SYTL2: variants seen among roughly 807,000 people sequenced by gnomAD.
SYTL2 encodes the protein synaptotagmin like 2.
In SYTL2, 165 loss-of-function variants were observed where a neutral mutation model predicts 198.7. The observed-to-expected ratio is 0.83, with a 90% CI of 0.73 to 0.94. SYTL2 has a LOEUF of 0.94. Among genes scored for constraint, SYTL2 ranks in the 40% least tolerant of loss-of-function variants. SYTL2 has a pLI of 0.00. For synonymous variants in SYTL2, 966 were observed against 917.7 expected, an observed-to-expected ratio of 1.05 and a Z score of -0.95; for missense variants, 2,835 against 2,582.8, an observed-to-expected ratio of 1.10 and a Z score of -2.12.
chr11:85,770,523 T>C (rs970369190), intron 1 of SYTL2, among the ~76,000 whole-genome samples: 6 of 152,094 alleles, frequency 3.9e-5, no homozygotes, highest in Non-Finnish European at 5.9e-5. Context: ...AATTCCTTAC[T>C]CCAGTATTGG....
Position 85,727,713 on chromosome 11 carries a change from C to T in SYTL2, c.1645G>A (p.Glu549Lys). ...ACCTGTGATTTTGAGTCTGTTTTTT[C>T]TTTGGACTCTATTCCTCGGGGATGT... ...LQHPRGIESK[E>K]KTDSKSQVAV... Residue 549 changes from glutamate (E) to lysine (K), a missense_variant, in exon 8 of 20, where the codon GAA becomes AAA. Physicochemically the swap from Glu to Lys is moderately conservative, Grantham distance 56. This residue lies in a region of SYTL2 where 2,645 missense variants were observed against 2,381.7 expected (regional missense o/e 1.11). Transcript: ENST00000359152. 1.9e-6 allele frequency: 3 copies of T among 1,547,552 alleles called. No individual in the cohort carries two copies. Among genetic ancestry groups the T allele is most frequent in the Non-Finnish European group, 2.6e-6 (3 of 1,147,020 alleles).
At chr11:85,839,341 C>T in the SYTL2 span, among the ~76,000 whole-genome samples, 25,557 of 152,116 alleles carry the variant, frequency 0.17, 2,322 homozygotes, top group Middle Eastern at 0.2. Flanking sequence ...TTCACCCTTT[C>T]GTAACAGATC....
the SYTL2 span, among the ~76,000 whole-genome samples, chr11:85,833,024 AAAG>A: frequency 0.029 from 544 of 18,514 alleles, 45 homozygotes; most frequent in African/African-American, 0.088. Context: ...AGAAAGAAAG[AAAG>A]AAAGAAAGAA....
chr11:85,804,712 T>C (rs941453041), intron 1 of SYTL2, among the ~76,000 whole-genome samples: 9 of 152,174 alleles, frequency 5.9e-5, no homozygotes, highest in Admixed American at 3.3e-4. Flanking sequence ...TATAGTATGT[T>C]ACATTAGCAA....
At chr11:85,826,411 G>A in the SYTL2 span, among the ~76,000 whole-genome samples, 409 of 152,328 alleles carry the variant, frequency 2.7e-3, 5 homozygotes, top group Non-Finnish European at 4.7e-3. Flanking sequence ...GAGGAGCCAG[G>A]CCCTCAATCC....
chr11:85,787,172 T>G (rs191448759), intron 1 of SYTL2, among the ~76,000 whole-genome samples: 128 of 152,324 alleles, frequency 8.4e-4, no homozygotes, highest in African/African-American at 2.9e-3. Context: ...TAATTATTTC[T>G]TGTGTGTTCT....
chr11:85,707,786 A>C (rs575624727), intron 14 of SYTL2, among the ~76,000 whole-genome samples: 1 of 151,978 alleles, frequency 6.6e-6, no homozygotes, highest in African/African-American at 2.4e-5. Flanking sequence ...TTTGGCCTTA[A>C]CTAATATGCA....
intron 1 of SYTL2, among the ~76,000 whole-genome samples, chr11:85,760,395 T>C (rs570896812): frequency 4.6e-5 from 7 of 152,312 alleles, no homozygotes; most frequent in African/African-American, 1.7e-4. Flanking sequence ...ACTCTCAGTC[T>C]CTCTTGATTG....
At position 85,725,359 on chromosome 11, in the gene SYTL2, A is replaced by G; in HGVS notation, c.3999T>C (p.Phe1333=). The G allele has an allele frequency of 1.2e-6, 2 of 1,613,616 alleles. No homozygotes were observed. The highest frequency in any genetic ancestry group is 1.7e-6 in the Non-Finnish European group (2 of 1,179,734). The change falls in exon 8 of 20, where the codon TTT becomes TTC. Residue 1333 remains phenylalanine (F), a synonymous_variant. Coordinates refer to ENST00000359152, the MANE Select transcript of SYTL2 (RefSeq NM_206927.4). ...DVASPPQDML[F]PQDAHLVPQA... The stretch of plus-strand genomic sequence containing the variant: ...GGGGAACAAGATGAGCATCCTGGGG[A>G]AAAAGCATATCTTGGGGAGGGCTGG...
chr11:85,777,669 G>A (rs1048592185), intron 1 of SYTL2, among the ~76,000 whole-genome samples: 14 of 129,576 alleles, frequency 1.1e-4, no homozygotes, highest in Admixed American at 7.0e-4. Flanking sequence ...AAAAGAAAAA[G>A]AAAAAAAACT....
In SYTL2 at chr11:85,704,967, T is replaced by C. The variant is rs185017042; in HGVS notation, c.6080A>G (p.Asp2027Gly). The change falls in exon 16 of 20, where the codon GAT (aspartate) becomes GGT (glycine). Residue 2027 changes from aspartate (D) to glycine (G), a missense_variant. This residue lies in a region of SYTL2 where 2,645 missense variants were observed against 2,381.7 expected (regional missense o/e 1.11). Transcript: ENST00000359152. ...TAGGAAACTATTGCGCTTAAATGTA[T>C]CCCGATGCCAAATGGACAGGTTCAA... is the stretch of plus-strand genomic sequence containing the variant. ...QKLNLSIWHR[D>G]TFKRNSFLGE... The C allele has an allele frequency of 3.1e-6, 5 of 1,613,666 alleles. No individual in the cohort carries two copies. The African/African-American group carries it at 5.3e-5, about 17-fold the overall frequency.
chr11:85,734,194 G>A lies in SYTL2; in HGVS notation c.1135C>T (p.Gln379Ter). The change falls in exon 7 of 20, where the codon CAG becomes TAG. Residue 379 changes from glutamine to a stop codon, truncating the protein, a stop_gained. Transcript: ENST00000359152. LOFTEE classifies it high-confidence loss of function. ...MEDAGDTEEF[Q>*]SDPKPSQYRK... ...TATTGAGAAGGCTTAGGGTCACTCT[G>A]AAACTCTTCTGTGTCCCCTGCATCT... The A allele has an allele frequency of 6.2e-7, 1 of 1,614,156 alleles. No homozygotes were observed. The highest frequency in any genetic ancestry group is 1.3e-5 in the African/African-American group (1 of 75,058).
At chr11:85,714,311 C>G (rs1028979304) in intron 12 of SYTL2, 102 bp downstream of exon 12, 5 of 926,594 alleles carry the variant, frequency 5.4e-6, no homozygotes, top group Non-Finnish European at 8.6e-6. Context: ...TCCTTCTGAC[C>G]TCTTTGATCT....
In SYTL2 at chr11:85,805,230, C is replaced by A. The variant is rs543196135; in HGVS notation, c.-390+5724G>T. On this transcript the variant is annotated intron_variant, in intron 1 of 19. Transcript: ENST00000359152. ...AAAGGGCCGAGTGTGGTGGCTCATG[C>A]CTGTAACCCCAGTGTTTTGGGTGGC... Among the ~76,000 whole-genome samples the A allele has an allele frequency of 2.1e-3, 320 of 151,948 alleles. 1 individual carries two copies. The highest frequency in any genetic ancestry group is 3.1e-3 in the Non-Finnish European group (208 of 67,966).
At chr11:85,821,128 A>T in the SYTL2 span, among the ~76,000 whole-genome samples, 3 of 152,218 alleles carry the variant, frequency 2.0e-5, no homozygotes, top group Non-Finnish European at 4.4e-5. Flanking sequence ...TAATATCCAT[A>T]CTAGTTACCA....
chr11:85,809,991 T>G (rs900418266), intron 1 of SYTL2, among the ~76,000 whole-genome samples: 2 of 152,126 alleles, frequency 1.3e-5, no homozygotes, highest in African/African-American at 4.8e-5. Context: ...ACAGCAGGGG[T>G]CACCATCCTG....
At chr11:85,816,775 G>A in the SYTL2 span, among the ~76,000 whole-genome samples, 15 of 152,148 alleles carry the variant, frequency 9.9e-5, no homozygotes, top group East Asian at 3.9e-4. Context: ...ATAGCTGGAC[G>A]TGGTGGCACA....
At chr11:85,852,853 A>C in the SYTL2 span, 14 of 224,132 alleles carry the variant, frequency 6.2e-5, no homozygotes, top group African/African-American at 3.5e-4. Flanking sequence ...GGATGTGAGG[A>C]GCCCCTCTGC....
chr11:85,695,399 G>A, intron 19 of SYTL2, 59 bp from the exon 20 acceptor site: 1 of 1,418,618 alleles, frequency 7.0e-7, no homozygotes, highest in African/African-American at 1.4e-5. Context: ...AGGGGAAAGA[G>A]GGAAAGTTAT....
Sources: gnomAD v4.1 joint callset for allele counts (sites outside exome capture counted in the v4.1 genomes callset) on GRCh38, gnomAD v4.1.1 for gene constraint, gnomAD v4.1.1 regional missense constraint, MANE v1.5 for transcripts, NCBI Gene and HGNC (gene_info 2026-07-23, HGNC 2026-07-21) for gene names.